Variants in JAKMIP2 observed in about 807,000 individuals in gnomAD.
The protein encoded by JAKMIP2 is janus kinase and microtubule interacting protein 2.
A neutral mutation model predicts 115.0 loss-of-function variants in JAKMIP2; 25 were observed. The ratio of observed to expected loss-of-function variants is 0.22; its 90% CI spans 0.16 to 0.30. The LOEUF is 0.30. Among genes scored for constraint, JAKMIP2 ranks in the 10% least tolerant of loss-of-function variants. The pLI is 1.00. For missense variants in JAKMIP2, 642 were observed against 957.6 expected (o/e 0.67, Z 4.35); for synonymous variants, 334 against 343.6 (o/e 0.97, Z 0.31).
intron 1 of JAKMIP2, among the ~76,000 whole-genome samples, chr5:147,696,349 T>C (rs1752107459): frequency 6.6e-6 from 1 of 152,246 alleles, no homozygotes; most frequent in East Asian, 1.9e-4. Flanking sequence ...AGTGAGTGCA[T>C]TCTCACAAGA....
Position 147,654,009 on chromosome 5 carries a change from T to A in JAKMIP2, c.628-3462A>T, listed in dbSNP as rs1451805377. 3.9e-5 allele frequency among the ~76,000 whole-genome samples: 6 copies of A among 152,186 alleles called. No homozygotes were observed. In the East Asian group the frequency reaches 1.2e-3, roughly 29 times the overall value. On this transcript the variant is annotated intron_variant, in intron 3 of 21. Coordinates refer to ENST00000616793, the MANE Select transcript of JAKMIP2 (RefSeq NM_001270941.2). Reference sequence around the variant, plus strand: ...TTGTTTTTGTCAGGTTTGTCGAAGATCAGGTGGTTGTAGATGTGTGGTGTT... The same window carrying A: ...TTGTTTTTGTCAGGTTTGTCGAAGAACAGGTGGTTGTAGATGTGTGGTGTT...
intron 19 of JAKMIP2, 120 bp downstream of exon 19, chr5:147,617,791 T>C (rs747216407): frequency 4.3e-6 from 3 of 693,834 alleles, no homozygotes; most frequent in Non-Finnish European, 7.4e-6. Flanking sequence ...TTTATTTTAC[T>C]CTCTGAAAAT....
chr5:147,674,577 C>T (rs191067566), intron 1 of JAKMIP2, among the ~76,000 whole-genome samples: 26 of 152,256 alleles, frequency 1.7e-4, no homozygotes, highest in Non-Finnish European at 2.6e-4. Flanking sequence ...GTGGATTTTA[C>T]AGGCATGAGG....
At chr5:147,763,047 G>A (rs897516073) in intron 1 of JAKMIP2, among the ~76,000 whole-genome samples, 1 of 151,966 alleles carries the variant, frequency 6.6e-6, no homozygotes, top group African/African-American at 2.4e-5. Flanking sequence ...CTAAATCTTT[G>A]GTCAAGCCAT....
chr5:147,725,693 A>C (rs1753491266), intron 1 of JAKMIP2, among the ~76,000 whole-genome samples: 1 of 152,132 alleles, frequency 6.6e-6, no homozygotes, highest in Admixed American at 6.5e-5. Flanking sequence ...TGCTTGACCA[A>C]ACTTGGGTTC....
chr5:147,733,482 T>A (rs1753805805), intron 1 of JAKMIP2, among the ~76,000 whole-genome samples: 1 of 152,230 alleles, frequency 6.6e-6, no homozygotes, highest in African/African-American at 2.4e-5. Context: ...TTTTTTATTA[T>A]ACTTTAAGTT....
At chr5:147,748,030 ATGAC>A (rs1754411593) in intron 1 of JAKMIP2, among the ~76,000 whole-genome samples, 1 of 152,172 alleles carries the variant, frequency 6.6e-6, no homozygotes, top group South Asian at 2.1e-4. Flanking sequence ...CATTGACTGA[ATGAC>A]TGAATGCTGA....
At chr5:147,627,819 C>T (rs141050984) in intron 16 of JAKMIP2, among the ~76,000 whole-genome samples, 228 of 151,818 alleles carry the variant, frequency 1.5e-3, no homozygotes, top group African/African-American at 5.2e-3. Flanking sequence ...TTAAAAAACA[C>T]CTGGTTAAGT....
rs1160553046 is a variant in JAKMIP2, at chr5:147,604,800, T to TTTTTTATTA, written c.2413-2990_2413-2989insTAATAAAAA. Among the ~76,000 whole-genome samples the TTTTTTATTA allele has an allele frequency of 1.4e-3, 201 of 143,542 alleles. 2 individuals carry two copies. Among genetic ancestry groups the TTTTTTATTA allele is most frequent in the African/African-American group, 3.7e-3 (143 of 38,706 alleles). The allele number at this position is 143,542 out of a possible 152,430, so 94.2% of individuals were successfully genotyped here. ...ATTCCTGGTGTCTTGGGCCAGACAT[T>TTTTTTATTA]TTATTATTATTATTATTATTATTAT... is the stretch of plus-strand genomic sequence containing the variant. On this transcript the variant is annotated intron_variant, in intron 20 of 21. Transcript: ENST00000616793.
chr5:147,593,212 T>C (rs1200734893), intron 21 of JAKMIP2, among the ~76,000 whole-genome samples: 1 of 152,194 alleles, frequency 6.6e-6, no homozygotes, highest in Non-Finnish European at 1.5e-5. Flanking sequence ...AGCAAAAAGC[T>C]GTGGGTTGCA....
intron 1 of JAKMIP2, among the ~76,000 whole-genome samples, chr5:147,715,184 G>A (rs1752925983): frequency 6.6e-6 from 1 of 151,914 alleles, no homozygotes; most frequent in Non-Finnish European, 1.5e-5. Flanking sequence ...AGAAGAAATT[G>A]AATGATTAAA....
chr5:147,612,777 C>G (rs557593581), intron 19 of JAKMIP2, among the ~76,000 whole-genome samples: 9 of 152,246 alleles, frequency 5.9e-5, no homozygotes, highest in Middle Eastern at 3.4e-3. Flanking sequence ...CAGAAGTAGA[C>G]AGCAAGAAAC....
chr5:147,624,948 A>G (rs545503980), intron 16 of JAKMIP2, among the ~76,000 whole-genome samples: 2 of 149,994 alleles, frequency 1.3e-5, no homozygotes, highest in South Asian at 4.2e-4. Flanking sequence ...TACTAGTGGT[A>G]TCTCACTACA....
At chr5:147,688,148 G>A (rs902537721) in intron 1 of JAKMIP2, among the ~76,000 whole-genome samples, 3 of 152,142 alleles carry the variant, frequency 2.0e-5, no homozygotes, top group African/African-American at 4.8e-5. Context: ...TTCTATAGAA[G>A]TCAAAGTGTA....
At chr5:147,666,491 G>C (rs1336987454) in intron 2 of JAKMIP2, among the ~76,000 whole-genome samples, 1 of 152,134 alleles carries the variant, frequency 6.6e-6, no homozygotes, top group East Asian at 1.9e-4. Context: ...TTTAATATGA[G>C]TTAGGCAACT....
chr5:147,759,489 C>A (rs370237441), intron 1 of JAKMIP2, among the ~76,000 whole-genome samples: 2 of 151,962 alleles, frequency 1.3e-5, no homozygotes, highest in South Asian at 4.1e-4. Flanking sequence ...TGAAAATGAA[C>A]AAAGAGAGTG....
At chr5:147,627,126 T>A (rs1757131214) in intron 16 of JAKMIP2, among the ~76,000 whole-genome samples, 1 of 152,142 alleles carries the variant, frequency 6.6e-6, no homozygotes, top group Non-Finnish European at 1.5e-5. Context: ...TTTGTCCTCA[T>A]GGGCCTTAGA....
chr5:147,691,652 T>C (rs1243380977), intron 1 of JAKMIP2, among the ~76,000 whole-genome samples: 1 of 152,176 alleles, frequency 6.6e-6, no homozygotes, highest in Non-Finnish European at 1.5e-5. Context: ...AAGGATTCTT[T>C]ACCACATAGA....
intron 16 of JAKMIP2, among the ~76,000 whole-genome samples, chr5:147,625,261 G>A (rs1038274134): frequency 3.3e-5 from 5 of 152,236 alleles, no homozygotes; most frequent in Admixed American, 1.3e-4. Flanking sequence ...GATTACAGGC[G>A]TGAGCCACTG....
Sources: gnomAD v4.1 joint callset for allele counts (sites outside exome capture counted in the v4.1 genomes callset) on GRCh38, gnomAD v4.1.1 for gene constraint, MANE v1.5 for transcripts, NCBI Gene and HGNC (gene_info 2026-07-23, HGNC 2026-07-21) for gene names.